Variants in ELOA observed in about 807,000 individuals in gnomAD.
The protein encoded by ELOA is elongin A.
ELOA carries 15 observed loss-of-function variants against 85.2 expected under a neutral mutation model. That is an observed-to-expected ratio of 0.18 (90% CI 0.12 to 0.27). The LOEUF (loss-of-function observed/expected upper bound fraction) is 0.27, where lower values mean the gene tolerates loss of function less well. ELOA is among the 10% of genes least tolerant of loss of function. The probability of loss-of-function intolerance (pLI) is 1.00; values close to 1 mark genes in which losing one functional copy is unlikely to be tolerated. For synonymous variants in ELOA, 348 were observed against 357.2 expected (o/e 0.97, Z 0.29); for missense variants, 769 against 952.7 (o/e 0.81, Z 2.54).
In ELOA at chr1:23,756,967, C is replaced by T. The variant is rs766340008; in HGVS notation, c.2099C>T (p.Pro700Leu). 33 of 1,546,648 alleles carry T rather than the reference C, an allele frequency of 2.1e-5. No individual in the cohort carries two copies. The highest frequency in any genetic ancestry group is 5.0e-5 in the South Asian group (4 of 79,262). The change falls in exon 10 of 11, where the codon CCG becomes CTG. Residue 700 changes from proline to leucine, a missense_variant. Coordinates refer to ENST00000613537, the MANE Select transcript of ELOA (RefSeq NM_003198.3). ...CTGTGTTGCAGGATCAAGCCAGCCC[C>T]GTACCCCATGGGAAGCAGCCATGCT... Reference protein sequence around the residue: ...VPEKIKIKPAPYPMGSSHASA... With the variant: ...VPEKIKIKPALYPMGSSHASA...
chr1:23,756,833 G>T, intron 9 of ELOA, 120 bp from the exon 10 acceptor site: 2 of 949,092 alleles, frequency 2.1e-6, no homozygotes, highest in Admixed American at 5.8e-5. Flanking sequence ...AGGGTGATAG[G>T]GTCCATTGGT....
At chr1:23,759,408 G>A in intron 10 of ELOA, 104 bp from the exon 11 acceptor site, 1 of 1,075,396 alleles carries the variant, frequency 9.3e-7, no homozygotes, top group East Asian at 2.4e-5. Flanking sequence ...TCTGCCTGGT[G>A]GTGCACAGCC....
At chr1:23,759,474 A>C in intron 10 of ELOA, 38 bp from the exon 11 acceptor site, 4 of 1,605,756 alleles carry the variant, frequency 2.5e-6, no homozygotes, top group Non-Finnish European at 3.4e-6. Context: ...CTAAGCCGCC[A>C]CAGATCTGAG....
chr1:23,755,070 C>T (rs1006812540), intron 7 of ELOA, among the ~76,000 whole-genome samples: 5 of 152,104 alleles, frequency 3.3e-5, no homozygotes, highest in East Asian at 1.9e-4. Context: ...ACTACAGGCA[C>T]ATACCACCAC....
chr1:23,756,814 C>G, intron 9 of ELOA, 139 bp from the exon 10 acceptor site: 1 of 776,972 alleles, frequency 1.3e-6, no homozygotes. Flanking sequence ...TGAGCCACCA[C>G]CAGAATCCAG....
chr1:23,759,568 C>T lies in ELOA; in HGVS notation c.2314C>T (p.Arg772Ter), dbSNP rs1638263981. The T allele has an allele frequency of 1.9e-5, 31 of 1,613,984 alleles. No homozygotes were observed. The highest frequency in any genetic ancestry group is 2.5e-5 in the Non-Finnish European group (30 of 1,180,008). Residue 772 changes from arginine to a stop codon, truncating the protein, a stop_gained, in exon 11 of 11, where the codon CGA becomes TGA. Coordinates refer to ENST00000613537, the MANE Select transcript of ELOA (RefSeq NM_003198.3). LOFTEE classifies it high-confidence loss of function. The part of the protein sequence containing the change: ...IKAFKNRFSR[R>*] Reference sequence around the variant, plus strand: ...AGCTTTCAAGAACAGATTCTCCCGACGATAAACTGAGGACTTGCCTTGGAA... The same window carrying T: ...AGCTTTCAAGAACAGATTCTCCCGATGATAAACTGAGGACTTGCCTTGGAA...
chr1:23,745,679 A>C (rs1644742960), intron 1 of ELOA, among the ~76,000 whole-genome samples: 1 of 152,182 alleles, frequency 6.6e-6, no homozygotes, highest in South Asian at 2.1e-4. Flanking sequence ...TGCAGAGGGA[A>C]AATTGCAAGC....
At chr1:23,748,409 A>G (rs1156408288) in intron 1 of ELOA, among the ~76,000 whole-genome samples, 8 of 152,232 alleles carry the variant, frequency 5.3e-5, no homozygotes, top group African/African-American at 1.9e-4. Flanking sequence ...TAGGAACTAT[A>G]GGAAGGAAAT....
chr1:23,752,134 C>G, intron 4 of ELOA, 104 bp downstream of exon 4: 1 of 1,187,846 alleles, frequency 8.4e-7, no homozygotes, highest in Non-Finnish European at 1.2e-6. Flanking sequence ...TTTTGGGGGG[C>G]ATGTTGAATT....
chr1:23,745,067 C>G (rs573480198), intron 1 of ELOA, among the ~76,000 whole-genome samples: 18 of 152,306 alleles, frequency 1.2e-4, no homozygotes, highest in African/African-American at 3.8e-4. Flanking sequence ...TAAGGCTCTT[C>G]GTTCATACCT....
rs1288497010 is a variant in ELOA at position 23,761,606 on chromosome 1, A to G, written c.*2033A>G. The G allele has an allele frequency of 6.6e-6, 1 of 152,156 alleles. No homozygotes were observed. Among genetic ancestry groups the G allele is most frequent in the African/African-American group, 2.4e-5 (1 of 41,432 alleles). 9.4% of individuals were successfully genotyped at this position (152,156 alleles called of 1,614,324 possible). A position where few individuals can be genotyped will look rare whatever the true frequency, so the allele number is the denominator to read the frequency against. On this transcript the variant is annotated 3_prime_UTR_variant, in exon 11 of 11. Transcript: ENST00000613537. ...AGATGTTTTCCCCTCCCCCAAGAGT[A>G]TCTACATCAGGGATGTGACTTGGTG...
At chr1:23,759,365 T>C (rs1638260028) in intron 10 of ELOA, 147 bp from the exon 11 acceptor site, 5 of 738,636 alleles carry the variant, frequency 6.8e-6, no homozygotes, top group South Asian at 6.7e-5. Flanking sequence ...TTTTATTGCA[T>C]TGTGAACAGA....
chr1:23,754,491 A>G, intron 7 of ELOA, 31 bp downstream of exon 7: 1 of 1,574,834 alleles, frequency 6.3e-7, no homozygotes, highest in Non-Finnish European at 8.7e-7. Flanking sequence ...GGAAGAGGGC[A>G]GTTTTCTGGC....
chr1:23,750,854 G>A lies in ELOA; in HGVS notation c.249G>A (p.Glu83=). The A allele has an allele frequency of 1.9e-6, 3 of 1,578,540 alleles. No homozygotes were observed. Among genetic ancestry groups the A allele is most frequent in the Non-Finnish European group, 2.6e-6 (3 of 1,166,704 alleles). ...TTTTCTTTTATTTTAGAAATGCTGAGCCTGATGAACAGGACTTTGAGAAGA... is the reference window on the plus strand; with the variant it reads ...TTTTCTTTTATTTTAGAAATGCTGAACCTGATGAACAGGACTTTGAGAAGA... ...KKLVPVERNA[E]PDEQDFEKSN... is the part of the protein sequence containing the mutation. The change falls in exon 4 of 11, where the codon GAG becomes GAA. Residue 83 remains glutamate (E), a synonymous_variant. Transcript: ENST00000613537.
At chr1:23,744,749 C>G (rs991131792) in intron 1 of ELOA, among the ~76,000 whole-genome samples, 10 of 152,190 alleles carry the variant, frequency 6.6e-5, no homozygotes, top group Non-Finnish European at 1.0e-4. Flanking sequence ...TCTCCGTCAT[C>G]ATTCTGGCCG....
rs1644768443 is a variant in ELOA, at chr1:23,751,153, G to A, written c.548G>A (p.Cys183Tyr). The A allele has an allele frequency of 6.2e-7, 1 of 1,614,108 alleles. No individual in the cohort carries two copies. Among genetic ancestry groups the A allele is most frequent in the African/African-American group, 1.3e-5 (1 of 75,044 alleles). Residue 183 changes from cysteine to tyrosine, a missense_variant, in exon 4 of 11, where the codon TGT (cysteine) becomes TAT (tyrosine). By Grantham distance (194) the Cys-to-Tyr change is radical. This residue lies in a region of ELOA where 440 missense variants were observed against 474.0 expected (regional missense o/e 0.93). Coordinates refer to ENST00000613537, the MANE Select transcript of ELOA (RefSeq NM_003198.3). ...DYGHVQSPPS[C>Y]TSPHQMYVDH... ...GGCCATGTTCAATCCCCTCCATCTTGTACCAGTCCTCATCAGATGTACGTC... is the reference window on the plus strand; with the variant it reads ...GGCCATGTTCAATCCCCTCCATCTTATACCAGTCCTCATCAGATGTACGTC...
Position 23,751,064 on chromosome 1 carries a change from T to G in ELOA, c.459T>G (p.Asp153Glu), listed in dbSNP as rs35397069. Reference sequence around the variant, plus strand: ...TGTCTCACGGTCATGAGAGGAGAGATGAGAGAAAGAGGTGTCACAGAATGT... The same window carrying G: ...TGTCTCACGGTCATGAGAGGAGAGAGGAGAGAAAGAGGTGTCACAGAATGT... ...HKVSHGHERR[D>E]ERKRCHRMSP... Residue 153 changes from aspartate to glutamate, a missense_variant, in exon 4 of 11, where the codon GAT becomes GAG. Around this residue, in one of 4 missense-constraint regions of ELOA, gnomAD observed 440 missense variants for 474.0 expected, o/e 0.93. Coordinates refer to ENST00000613537, the MANE Select transcript of ELOA (RefSeq NM_003198.3). 5.0e-5 allele frequency: 81 copies of G among 1,613,872 alleles called. No homozygotes were observed. Among genetic ancestry groups the G allele is most frequent in the Non-Finnish European group, 6.9e-5 (81 of 1,180,016 alleles).
rs1459861777 is a variant in ELOA at position 23,743,550 on chromosome 1, G to A, written c.47G>A (p.Arg16His). Residue 16 changes from arginine to histidine, a missense_variant, in exon 1 of 11, where the codon CGC (arginine) becomes CAC (histidine). By Grantham distance (29) the Arg-to-His change is conservative. Transcript: ENST00000613537. ...ALQVVEKLQA[R>H]LAANPDPKKL... is the part of the protein sequence containing the mutation. ...CAAGTTGTGGAGAAGCTGCAGGCGC[G>A]CCTGGCCGCGAACCCGGACCCTAAG... is the stretch of plus-strand genomic sequence containing the variant. 6.7e-7 allele frequency: 1 copy of A among 1,496,110 alleles called. No homozygotes were observed. The highest frequency in any genetic ancestry group is 2.9e-5 in the East Asian group (1 of 34,842). 92.7% of individuals were successfully genotyped at this position (1,496,110 alleles called of 1,614,324 possible). A position where few individuals can be genotyped will look rare whatever the true frequency, so the allele number is the denominator to read the frequency against.
In ELOA at chr1:23,759,557, G is replaced by T; in HGVS notation, c.2303G>T (p.Arg768Ile). The T allele has an allele frequency of 6.2e-7, 1 of 1,614,222 alleles. No homozygotes were observed. The highest frequency in any genetic ancestry group is 2.2e-5 in the East Asian group (1 of 44,896). ...AAGACAATTAAAGCTTTCAAGAACAGATTCTCCCGACGATAAACTGAGGAC... is the reference window on the plus strand; with the variant it reads ...AAGACAATTAAAGCTTTCAAGAACATATTCTCCCGACGATAAACTGAGGAC... ...MAKTIKAFKN[R>I]FSRR Residue 768 changes from arginine to isoleucine, a missense_variant, in exon 11 of 11, where the codon AGA (arginine) becomes ATA (isoleucine). Arg to Ile is a moderately conservative substitution (Grantham distance 97, BLOSUM62 -3). Transcript: ENST00000613537.
Sources: allele counts gnomAD v4.1 joint callset (sites outside exome capture counted in the v4.1 genomes callset), GRCh38; gene constraint gnomAD v4.1.1; regional missense constraint gnomAD v4.1.1; transcripts MANE v1.5; gene names NCBI Gene and HGNC (gene_info 2026-07-23, HGNC 2026-07-21).